NGFR: variants seen among roughly 807,000 people sequenced by gnomAD.
The protein encoded by NGFR is nerve growth factor receptor, also known as tumor necrosis factor receptor superfamily member 16.
Under a neutral mutation model 43.2 loss-of-function variants are expected in NGFR, and 30 were observed. The observed-to-expected ratio is 0.69, with a 90% confidence interval of 0.52 to 0.94. The LOEUF (loss-of-function observed/expected upper bound fraction) is 0.94, where lower values mean the gene tolerates loss of function less well. NGFR is among the 40% of genes least tolerant of loss of function. The pLI is 0.00. For missense variants in NGFR, 529 were observed against 602.5 expected, an observed-to-expected ratio of 0.88 and a Z score of 1.28; for synonymous variants, 246 against 259.6, an observed-to-expected ratio of 0.95 and a Z score of 0.50.
At chr17:49,504,917 G>A (rs1030970804) in intron 2 of NGFR, among the ~76,000 whole-genome samples, 2 of 151,688 alleles carry the variant, frequency 1.3e-5, no homozygotes, top group South Asian at 2.1e-4. Flanking sequence ...GATTACAGAC[G>A]TGCACCACTA....
In NGFR at chr17:49,506,670, TCGGGGGG is replaced by T. The variant is rs1397590938; in HGVS notation, c.568+20_568+26del. 2.9e-5 allele frequency: 5 copies of T among 171,902 alleles called. No individual in the cohort carries two copies. The highest frequency in any genetic ancestry group is 3.6e-5 in the Non-Finnish European group (5 of 139,166). 10.6% of individuals were successfully genotyped at this position (171,902 alleles called of 1,614,324 possible). On this transcript the variant is annotated intron_variant, in intron 3 of 5. Transcript: ENST00000172229. ...CGCCGAGTGCGAGGGTGAGTGCGGT[TCGGGGGG>T]CGGGGGGAGTGGGGGTGCGGGGGTG...
Position 49,514,436 on chromosome 17 carries a change from T to A in NGFR, c.*1427T>A, listed in dbSNP as rs1205984356. On this transcript the variant is annotated 3_prime_UTR_variant, in exon 6 of 6. Transcript: ENST00000172229. Reference sequence around the variant, plus strand: ...TAGACAACCCTGCAAAGGACTGTTTTTTCCTGAGCTTGGCCAGAAGGGGGC... The same window carrying A: ...TAGACAACCCTGCAAAGGACTGTTTATTCCTGAGCTTGGCCAGAAGGGGGC... The A allele has an allele frequency of 6.6e-6, 1 of 152,346 alleles. No homozygotes were observed. Among genetic ancestry groups the A allele is most frequent in the African/African-American group, 2.4e-5 (1 of 41,476 alleles). 9.4% of individuals were successfully genotyped at this position (152,346 alleles called of 1,614,324 possible). A position where few individuals can be genotyped will look rare whatever the true frequency, so the allele number is the denominator to read the frequency against.
chr17:49,502,018 C>CCCCCCG, intron 1 of NGFR, 45 bp from the exon 2 acceptor site: 1 of 1,320,358 alleles, frequency 7.6e-7, no homozygotes, highest in Non-Finnish European at 1.0e-6. Flanking sequence ...CAACCCACCC[C>CCCCCCG]AGCTTTCTCT....
intron 2 of NGFR, among the ~76,000 whole-genome samples, chr17:49,502,871 T>TTCCTTCCTTC (rs1491582362): frequency 4.0e-5 from 3 of 75,074 alleles, no homozygotes; most frequent in Admixed American, 1.6e-4. Flanking sequence ...TTCCTTCCTT[T>TTCCTTCCTTC]CTCTCTCTCT....
chr17:49,497,489 A>G (rs2071145495), intron 1 of NGFR: 1 of 152,406 alleles, frequency 6.6e-6, no homozygotes, highest in African/African-American at 2.4e-5. Context: ...CGAAGACCCA[A>G]GGAAGGAGGG....
intron 3 of NGFR, among the ~76,000 whole-genome samples, chr17:49,510,129 C>T (rs1248439628): frequency 6.6e-6 from 1 of 152,142 alleles, no homozygotes; most frequent in Non-Finnish European, 1.5e-5. Context: ...CTTAATAGCC[C>T]CATTAGATAA....
At position 49,512,932 on chromosome 17, in the gene NGFR, G is replaced by C; in HGVS notation, c.1207G>C (p.Ala403Pro). ...CAGCGCCACACTGGACGCCCTCCTG[G>C]CCGCCCTGCGCCGCATCCAGCGAGC... ...QDSATLDALL[A>P]ALRRIQRADL... Residue 403 changes from alanine (A) to proline (P), a missense_variant, in exon 6 of 6, where the codon GCC becomes CCC. Ala to Pro is a conservative substitution (Grantham distance 27). Transcript: ENST00000172229. The surrounding 1 kb of genome is among the most constrained non-coding windows in gnomAD (Gnocchi z 5.2). 1 of 1,611,190 alleles carries C rather than the reference G, an allele frequency of 6.2e-7. No individual in the cohort carries two copies. Among genetic ancestry groups the C allele is most frequent in the Non-Finnish European group, 8.5e-7 (1 of 1,179,018 alleles).
At chr17:49,501,999 A>ATGGGCCCCCCCC in intron 1 of NGFR, 64 bp from the exon 2 acceptor site, 1 of 330,984 alleles carries the variant, frequency 3.0e-6, no homozygotes. Context: ...TCCCCGGAAG[A>ATGGGCCCCCCCC]ACCCCCCCCA....
In NGFR at chr17:49,512,388, G is replaced by T. The variant is rs1316288697; in HGVS notation, c.983-320G>T. 6.6e-6 allele frequency among the ~76,000 whole-genome samples: 1 copy of T among 152,192 alleles called. No homozygotes were observed. On this transcript the variant is annotated intron_variant, in intron 5 of 5. Coordinates refer to ENST00000172229, the MANE Select transcript of NGFR (RefSeq NM_002507.4). The surrounding 1 kb of genome is among the most constrained non-coding windows in gnomAD (Gnocchi z 5.2). ...AGTTAAGTGTGTACCCTAATTAGTG[G>T]CCCATAGCCCAGCTCCGGGACACTT...
Position 49,510,447 on chromosome 17 carries a change from C to G in NGFR, c.604C>G (p.Pro202Ala), listed in dbSNP as rs149305371. Residue 202 changes from proline to alanine, a missense_variant, in exon 4 of 6, where the codon CCA becomes GCA. Physicochemically the swap from Pro to Ala is conservative, Grantham distance 27. Transcript: ENST00000172229. ...PGRWITRSTPPEGSDSTAPST... is the reference protein window; with the variant it reads ...PGRWITRSTPAEGSDSTAPST... ...CCGTTGGATTACACGGTCCACACCC[C>G]CAGAGGGCTCGGACAGCACAGCCCC... is the stretch of plus-strand genomic sequence containing the variant. The G allele has an allele frequency of 3.1e-6, 5 of 1,613,912 alleles. No homozygotes were observed. In the African/African-American group the frequency reaches 4.0e-5, roughly 13 times the overall value.
At chr17:49,503,761 T>C (rs955226835) in intron 2 of NGFR, among the ~76,000 whole-genome samples, 1 of 152,176 alleles carries the variant, frequency 6.6e-6, no homozygotes, top group Non-Finnish European at 1.5e-5. Flanking sequence ...CTAACAGGGT[T>C]TCCATTCCAG....
At position 49,505,958 on chromosome 17, in the gene NGFR, T is replaced by A. The variant is rs1241255505; in HGVS notation, c.209-341T>A. On this transcript the variant is annotated intron_variant, in intron 2 of 5. Transcript: ENST00000172229. ...TGGGAACCACGTTCAGATTATTCCT[T>A]AATCATGCTGGGAACATAGTACAGG... is the stretch of plus-strand genomic sequence containing the variant. 4 of 284,640 alleles carry A rather than the reference T, an allele frequency of 1.4e-5. No homozygotes were observed. In the East Asian group the frequency reaches 2.5e-4, roughly 18 times the overall value. 17.6% of individuals were successfully genotyped at this position (284,640 alleles called of 1,614,324 possible).
At chr17:49,502,868 C>CT (rs1287894721) in intron 2 of NGFR, among the ~76,000 whole-genome samples, 1 of 146,610 alleles carries the variant, frequency 6.8e-6, no homozygotes, top group African/African-American at 2.5e-5. Context: ...TCCTTCCTTC[C>CT]TTTCTCTCTC....
intron 1 of NGFR, among the ~76,000 whole-genome samples, chr17:49,499,217 C>T (rs1281045465): frequency 6.6e-6 from 1 of 152,174 alleles, no homozygotes; most frequent in Non-Finnish European, 1.5e-5. Context: ...CCTCAGGCTG[C>T]AGCAGGGAGA....
At chr17:49,496,499 G>A (rs1382541510) in intron 1 of NGFR, 1 of 152,386 alleles carries the variant, frequency 6.6e-6, no homozygotes, top group East Asian at 1.9e-4. Context: ...TCGGGGTGCA[G>A]AGCGCCGGGG....
Position 49,512,525 on chromosome 17 carries a change from A to T in NGFR, c.983-183A>T, listed in dbSNP as rs756370803. On this transcript the variant is annotated intron_variant, in intron 5 of 5. Transcript: ENST00000172229. This position sits in a 1 kb window ranked among gnomAD's most constrained non-coding sequence, Gnocchi z 5.2. ...GGATTGGGCTGGAGTGACAGGAGGA[A>T]GGGACAACGAGTCCCCCCAGGTGCC... 6.6e-6 allele frequency among the ~76,000 whole-genome samples: 1 copy of T among 152,150 alleles called. No individual in the cohort carries two copies. Among genetic ancestry groups the T allele is most frequent in the Non-Finnish European group, 1.5e-5 (1 of 67,998 alleles).
intron 4 of NGFR, 54 bp from the exon 5 acceptor site, chr17:49,511,838 A>C: frequency 6.7e-7 from 1 of 1,485,558 alleles, no homozygotes; most frequent in Non-Finnish European, 9.0e-7. Context: ...ACTCAGCTGC[A>C]TCGGCCACTA....
chr17:49,502,560 G>A (rs2071173099), intron 2 of NGFR, among the ~76,000 whole-genome samples: 2 of 152,300 alleles, frequency 1.3e-5, no homozygotes, highest in East Asian at 3.9e-4. Context: ...AAAATCAATG[G>A]CTGCCACTTA....
intron 1 of NGFR, chr17:49,496,657 T>G (rs1335519513): frequency 6.6e-6 from 1 of 152,152 alleles, no homozygotes; most frequent in East Asian, 1.9e-4. Flanking sequence ...CCCACCTAGC[T>G]GCGCGACCCG....
Sources: gnomAD v4.1 joint callset for allele counts (sites outside exome capture counted in the v4.1 genomes callset) on GRCh38, gnomAD v4.1.1 for gene constraint, Gnocchi (gnomAD v3.1) non-coding constraint, MANE v1.5 for transcripts, NCBI Gene and HGNC (gene_info 2026-07-23, HGNC 2026-07-21) for gene names.